Variants in CPLX4 observed in about 807,000 individuals in gnomAD.
CPLX4 encodes complexin 4.
In CPLX4, 17 loss-of-function variants were observed where a neutral mutation model predicts 16.1. The observed-to-expected ratio is 1.06, with a 90% CI of 0.72 to 1.59. CPLX4 has a LOEUF of 1.59. CPLX4 is among the 40% of genes most tolerant of loss of function. CPLX4 has a pLI of 0.00. For synonymous variants in CPLX4, 55 were observed against 57.8 expected (o/e 0.95, Z 0.22); for missense variants, 193 against 192.9 (o/e 1.00, Z 0.00).
In CPLX4 at chr18:59,295,692, TA is replaced by T. The variant is rs2070494606; in HGVS notation, c.*1005del. Reference sequence around the variant, plus strand: ...ATTCCTTTTGAAAGAGAGCAGATATTAGGGGGGAAAAATCAGTGTCTACCCT... The same window carrying T: ...ATTCCTTTTGAAAGAGAGCAGATATTGGGGGGAAAAATCAGTGTCTACCCT... On this transcript the variant is annotated 3_prime_UTR_variant, in exon 3 of 3. Coordinates refer to ENST00000299721, the MANE Select transcript of CPLX4 (RefSeq NM_181654.4). 2 of 151,742 alleles carry T rather than the reference TA, an allele frequency of 1.3e-5. No homozygotes were observed. The highest frequency in any genetic ancestry group is 4.8e-5 in the African/African-American group (2 of 41,282). The allele number at this position is 151,742 out of a possible 1,614,324, so 9.4% of individuals were successfully genotyped here. A position where few individuals can be genotyped will look rare whatever the true frequency, so the allele number is the denominator to read the frequency against.
chr18:59,316,313 TTAAA>T (rs1363299240), intron 1 of CPLX4, among the ~76,000 whole-genome samples: 8 of 152,332 alleles, frequency 5.3e-5, no homozygotes, highest in African/African-American at 9.6e-5. Context: ...ATGTGCATTA[TTAAA>T]TAGAGTGCAT....
intron 1 of CPLX4, among the ~76,000 whole-genome samples, chr18:59,314,642 C>T (rs997381089): frequency 6.6e-6 from 1 of 152,130 alleles, no homozygotes; most frequent in Non-Finnish European, 1.5e-5. Context: ...GGGAAAATTC[C>T]CCCATCCCCA....
intron 1 of CPLX4, among the ~76,000 whole-genome samples, chr18:59,317,608 A>G (rs1350737489): frequency 1.3e-5 from 2 of 152,072 alleles, no homozygotes; most frequent in African/African-American, 4.8e-5. Context: ...ATTTACTTTA[A>G]AAGCTATTAT....
chr18:59,299,880 C>T (rs984449369), intron 2 of CPLX4, among the ~76,000 whole-genome samples: 12 of 152,310 alleles, frequency 7.9e-5, no homozygotes, highest in Admixed American at 7.2e-4. Context: ...GCTCGGGCCT[C>T]GCAATCTGTG....
chr18:59,296,522 T>A lies in CPLX4; in HGVS notation c.*176A>T, dbSNP rs2070501522. ...AAAGTAAGGTTCCCGCTGCAAGGTGTTAGCTAAATGCTCTGCCAGGAATAT... is the reference window on the plus strand; with the variant it reads ...AAAGTAAGGTTCCCGCTGCAAGGTGATAGCTAAATGCTCTGCCAGGAATAT... On this transcript the variant is annotated 3_prime_UTR_variant, in exon 3 of 3. Transcript: ENST00000299721. 1.5e-6 allele frequency: 1 copy of A among 673,812 alleles called. No homozygotes were observed. Among genetic ancestry groups the A allele is most frequent in the East Asian group, 2.8e-5 (1 of 36,146 alleles). 41.7% of individuals were successfully genotyped at this position (673,812 alleles called of 1,614,324 possible).
At chr18:59,299,890 G>T (rs1443730573) in intron 2 of CPLX4, among the ~76,000 whole-genome samples, 1 of 152,218 alleles carries the variant, frequency 6.6e-6, no homozygotes, top group Non-Finnish European at 1.5e-5. Context: ...CGCAATCTGT[G>T]ATTTAACAAG....
chr18:59,311,514 G>A (rs1484189400), intron 2 of CPLX4, among the ~76,000 whole-genome samples: 1 of 152,180 alleles, frequency 6.6e-6, no homozygotes, highest in African/African-American at 2.4e-5. Context: ...ATCCATGGAA[G>A]GAATTGGTTT....
At chr18:59,311,578 A>G (rs1346032935) in intron 2 of CPLX4, among the ~76,000 whole-genome samples, 1 of 152,208 alleles carries the variant, frequency 6.6e-6, no homozygotes, top group East Asian at 1.9e-4. Context: ...ACTTGGGATC[A>G]TGCCCTTTGG....
At chr18:59,305,194 G>A (rs2070568245) in intron 2 of CPLX4, among the ~76,000 whole-genome samples, 1 of 152,092 alleles carries the variant, frequency 6.6e-6, no homozygotes, top group Admixed American at 6.6e-5. Context: ...ACTGACCAGA[G>A]TCTTACAGAA....
At chr18:59,305,444 G>T (rs2070570271) in intron 2 of CPLX4, among the ~76,000 whole-genome samples, 1 of 152,202 alleles carries the variant, frequency 6.6e-6, no homozygotes, top group Admixed American at 6.5e-5. Context: ...AGGGGGACAA[G>T]ACTCCAAGTA....
Position 59,296,482 on chromosome 18 carries a change from T to C in CPLX4, c.*216A>G. On this transcript the variant is annotated 3_prime_UTR_variant, in exon 3 of 3. Transcript: ENST00000299721. Reference sequence around the variant, plus strand: ...AACTGAAATTTTCCAGTTTATCTCATTTATAACTAAAAGGAAAGTAAGGTT... The same window carrying C: ...AACTGAAATTTTCCAGTTTATCTCACTTATAACTAAAAGGAAAGTAAGGTT... 1.7e-6 allele frequency: 1 copy of C among 585,780 alleles called. No individual in the cohort carries two copies. 36.3% of individuals were successfully genotyped at this position (585,780 alleles called of 1,614,324 possible).
Position 59,296,351 on chromosome 18 carries a change from T to C in CPLX4, c.*347A>G, listed in dbSNP as rs1460991428. 3.3e-6 allele frequency: 1 copy of C among 306,940 alleles called. No homozygotes were observed. Among genetic ancestry groups the C allele is most frequent in the African/African-American group, 2.3e-5 (1 of 43,560 alleles). 19.0% of individuals were successfully genotyped at this position (306,940 alleles called of 1,614,324 possible). A position where few individuals can be genotyped will look rare whatever the true frequency, so the allele number is the denominator to read the frequency against. ...GCGAATAGTTGGACAGGGTGAGAAC[T>C]TGGCCTCCAAGGAAGAAAGTTGGAG... On this transcript the variant is annotated 3_prime_UTR_variant, in exon 3 of 3. Coordinates refer to ENST00000299721, the MANE Select transcript of CPLX4 (RefSeq NM_181654.4).
chr18:59,316,509 T>A (rs1432115191), intron 1 of CPLX4, among the ~76,000 whole-genome samples: 1 of 152,218 alleles, frequency 6.6e-6, no homozygotes, highest in African/African-American at 2.4e-5. Context: ...ACATATTGCA[T>A]TCTAGGTGGT....
At chr18:59,306,056 T>A (rs144523824) in intron 2 of CPLX4, among the ~76,000 whole-genome samples, 3 of 150,878 alleles carry the variant, frequency 2.0e-5, no homozygotes, top group African/African-American at 7.2e-5. Context: ...ACCCTGAACA[T>A]CTGGAAGAAG....
chr18:59,300,108 G>C (rs964425147), intron 2 of CPLX4, among the ~76,000 whole-genome samples: 2 of 152,188 alleles, frequency 1.3e-5, no homozygotes, highest in East Asian at 3.9e-4. Flanking sequence ...GAGGCGGGGG[G>C]ATCACCTGAG....
In CPLX4 at chr18:59,295,796, A is replaced by G. The variant is rs903417807; in HGVS notation, c.*902T>C. The G allele has an allele frequency of 6.6e-6, 1 of 152,014 alleles. No individual in the cohort carries two copies. Among genetic ancestry groups the G allele is most frequent in the Non-Finnish European group, 1.5e-5 (1 of 67,998 alleles). 9.4% of individuals were successfully genotyped at this position (152,014 alleles called of 1,614,324 possible). ...GGGTGGGATGGGAAGGGACAGGAGA[A>G]GAAAAAAAAAAGAGAGATAGGGAGA... On this transcript the variant is annotated 3_prime_UTR_variant, in exon 3 of 3. Transcript: ENST00000299721.
At position 59,318,301 on chromosome 18, in the gene CPLX4, C is replaced by G; in HGVS notation, c.162G>C (p.Glu54Asp). The G allele has an allele frequency of 5.0e-6, 8 of 1,607,070 alleles. No individual in the cohort carries two copies. The highest frequency in any genetic ancestry group is 6.8e-6 in the Non-Finnish European group (8 of 1,177,264). ...ATGAAATAGCATGTACTCACTTCTCCTCAATCATTTGCTTTTGATACTCCT... is the reference window on the plus strand; with the variant it reads ...ATGAAATAGCATGTACTCACTTCTCGTCAATCATTTGCTTTTGATACTCCT... ...EYEEYQKQMI[E>D]EKMERDAAFT... Residue 54 changes from glutamate to aspartate, a missense_variant, in exon 1 of 3, where the codon GAG becomes GAC. Glu to Asp is a conservative substitution (Grantham distance 45). Coordinates refer to ENST00000299721, the MANE Select transcript of CPLX4 (RefSeq NM_181654.4).
intron 2 of CPLX4, among the ~76,000 whole-genome samples, chr18:59,309,545 C>A (rs572540697): frequency 4.6e-5 from 7 of 152,074 alleles, no homozygotes; most frequent in Admixed American, 2.0e-4. Context: ...AGAAAGAGGC[C>A]GGGCGCAGTG....
intron 2 of CPLX4, among the ~76,000 whole-genome samples, chr18:59,311,030 A>AAT (rs1029615383): frequency 3.3e-5 from 5 of 151,086 alleles, no homozygotes; most frequent in Middle Eastern, 3.4e-3. Flanking sequence ...ATGATGCTTT[A>AAT]ATCAGATGGC....
Sources: gnomAD v4.1 joint callset for allele counts (sites outside exome capture counted in the v4.1 genomes callset) on GRCh38, gnomAD v4.1.1 for gene constraint, MANE v1.5 for transcripts, NCBI Gene and HGNC (gene_info 2026-07-23, HGNC 2026-07-21) for gene names.